FGFR1: variants seen among roughly 807,000 people sequenced by gnomAD.
The protein encoded by FGFR1 is fibroblast growth factor receptor 1.
A neutral mutation model predicts 93.7 loss-of-function variants in FGFR1; 18 were observed. The observed-to-expected ratio is 0.19, with a 90% CI of 0.13 to 0.28. FGFR1 has a LOEUF of 0.28. Ranked by LOEUF, FGFR1 falls within the 10% of genes least tolerant of loss-of-function variation. The pLI, the probability that FGFR1 is intolerant of heterozygous loss-of-function variation, is 1.00. For synonymous variants in FGFR1, 448 were observed against 429.3 expected, an observed-to-expected ratio of 1.04 and a Z score of -0.54; for missense variants, 731 against 1,080.4, an observed-to-expected ratio of 0.68 and a Z score of 4.53.
chr8:38,430,135 C>T (rs1822446657), intron 2 of FGFR1, 187 bp from the exon 3 acceptor site: 2 of 611,784 alleles, frequency 3.3e-6, no homozygotes, highest in Non-Finnish European at 5.6e-6. Context: ...GGGAAAACAG[C>T]TGGCTGCCTG....
intron 7 of FGFR1, chr8:38,423,096 C>A (rs1179405178): frequency 3.8e-6 from 3 of 779,552 alleles, no homozygotes; most frequent in Non-Finnish European, 7.2e-6. Context: ...GGAAACCTTA[C>A]ACACATACTC....
chr8:38,457,234 T>G lies in FGFR1; in HGVS notation c.91+122A>C. On this transcript the variant is annotated intron_variant, in intron 2 of 17. Coordinates refer to ENST00000447712, the MANE Select transcript of FGFR1 (RefSeq NM_023110.3). The stretch of plus-strand genomic sequence containing the variant: ...GTTTCTCCTACAGGAAGGGAGTTCT[T>G]TGCTCCACTTGGGAAGGAGCCTTCC... The G allele has an allele frequency of 2.7e-6, 3 of 1,106,884 alleles. No individual in the cohort carries two copies. The East Asian group carries it at 7.7e-5, about 28-fold the overall frequency. The allele number at this position is 1,106,884 out of a possible 1,614,324, so 68.6% of individuals were successfully genotyped here. A position where few individuals can be genotyped will look rare whatever the true frequency, so the allele number is the denominator to read the frequency against.
At chr8:38,458,837 A>G (rs1244689854) in intron 1 of FGFR1, 1 of 221,416 alleles carries the variant, frequency 4.5e-6, no homozygotes, top group African/African-American at 2.2e-5. Context: ...AACCCTCACC[A>G]GCTACTTACA....
At position 38,414,262 on chromosome 8, in the gene FGFR1, C is replaced by T. The variant is rs2150536124; in HGVS notation, c.2076G>A (p.Glu692=). The part of the protein sequence containing the change: ...DVWSFGVLLW[E]IFTLGGSPYP... ...ATGGGGAGCCGCCCAGAGTGAAGAT[C>T]TCCCACAGGAGCACCCCGAAAGACC... is the stretch of plus-strand genomic sequence containing the variant. Residue 692 remains glutamate, a synonymous_variant, in exon 16 of 18, where the codon GAG becomes GAA. Transcript: ENST00000447712. 1 of 1,614,174 alleles carries T rather than the reference C, an allele frequency of 6.2e-7. No individual in the cohort carries two copies. The highest frequency in any genetic ancestry group is 8.5e-7 in the Non-Finnish European group (1 of 1,180,028).
At chr8:38,416,116 T>C in intron 12 of FGFR1, 56 bp from the exon 13 acceptor site, 1 of 1,525,052 alleles carries the variant, frequency 6.6e-7, no homozygotes, top group Non-Finnish European at 8.9e-7. Context: ...AGGTTTGGCT[T>C]CACCTCAAAG....
At chr8:38,465,955 G>A (rs930785735) in intron 1 of FGFR1, 5 of 228,400 alleles carry the variant, frequency 2.2e-5, no homozygotes, top group South Asian at 1.8e-4. Context: ...ACCGCCCAAA[G>A]AAGGAAACCA....
chr8:38,460,808 T>A (rs952517579), intron 1 of FGFR1, among the ~76,000 whole-genome samples: 2 of 152,180 alleles, frequency 1.3e-5, no homozygotes, highest in Admixed American at 1.3e-4. Flanking sequence ...TCTGGGACCC[T>A]GCCACCTCCT....
intron 2 of FGFR1, among the ~76,000 whole-genome samples, chr8:38,450,289 G>A (rs1830628468): frequency 6.6e-6 from 1 of 152,204 alleles, no homozygotes; most frequent in Non-Finnish European, 1.5e-5. Context: ...GAGAATGAGA[G>A]CAGCTGGACT....
At chr8:38,439,494 T>C (rs1269246182) in intron 2 of FGFR1, among the ~76,000 whole-genome samples, 1 of 152,062 alleles carries the variant, frequency 6.6e-6, no homozygotes, top group Non-Finnish European at 1.5e-5. Context: ...CCCTCCCCCT[T>C]GGGCCACATC....
chr8:38,452,907 G>A (rs550806664), intron 2 of FGFR1, among the ~76,000 whole-genome samples: 1 of 152,314 alleles, frequency 6.6e-6, no homozygotes, highest in South Asian at 2.1e-4. Context: ...AACCCAGGAG[G>A]TGGAGGTTGC....
rs2151344897 is a variant in FGFR1 at position 38,457,402 on chromosome 8, T to G, written c.45A>C (p.Thr15=). ...KCLLFWAVLV[T]ATLCTARPSP... ...ACGGCCTAGCGGTGCAGAGTGTGGC[T>G]GTGACCAGCACAGCCCAGAAGAGGA... The change falls in exon 2 of 18, where the codon ACA becomes ACC. Residue 15 remains threonine, a synonymous_variant. Coordinates refer to ENST00000447712, the MANE Select transcript of FGFR1 (RefSeq NM_023110.3). 6.2e-7 allele frequency: 1 copy of G among 1,614,032 alleles called. No homozygotes were observed. The highest frequency in any genetic ancestry group is 8.5e-7 in the Non-Finnish European group (1 of 1,180,032).
chr8:38,463,815 GA>G (rs1834935705), intron 1 of FGFR1, among the ~76,000 whole-genome samples: 1 of 152,124 alleles, frequency 6.6e-6, no homozygotes, highest in Non-Finnish European at 1.5e-5. Context: ...CTTCAGATGA[GA>G]ATAAGACTTA....
chr8:38,457,880 G>A (rs547995736), intron 1 of FGFR1, among the ~76,000 whole-genome samples: 25 of 152,282 alleles, frequency 1.6e-4, no homozygotes, highest in African/African-American at 6.0e-4. Context: ...TTACTTCGGA[G>A]GCTAAGGCAA....
chr8:38,437,484 C>T (rs942932503), intron 2 of FGFR1, among the ~76,000 whole-genome samples: 2 of 152,186 alleles, frequency 1.3e-5, no homozygotes, highest in African/African-American at 2.4e-5. Context: ...AGCACAGGCT[C>T]TGACGTCATG....
chr8:38,458,665 T>C (rs535635107), intron 1 of FGFR1, among the ~76,000 whole-genome samples: 3 of 152,282 alleles, frequency 2.0e-5, no homozygotes, highest in Admixed American at 6.5e-5. Context: ...GGAAGCCAGG[T>C]ACAGAGATAA....
chr8:38,462,076 A>C (rs1834519527), intron 1 of FGFR1, among the ~76,000 whole-genome samples: 1 of 152,198 alleles, frequency 6.6e-6, no homozygotes, highest in South Asian at 2.1e-4. Context: ...AAAAGTATAC[A>C]CCGCATCTTA....
At chr8:38,415,821 G>A (rs928890736) in intron 13 of FGFR1, 49 bp downstream of exon 13, 1 of 1,565,832 alleles carries the variant, frequency 6.4e-7, no homozygotes, top group African/African-American at 1.4e-5. Flanking sequence ...GACTAGGGGG[G>A]CTCTGTTCCC....
At chr8:38,450,210 C>T (rs1251014477) in intron 2 of FGFR1, among the ~76,000 whole-genome samples, 1 of 152,132 alleles carries the variant, frequency 6.6e-6, no homozygotes, top group East Asian at 1.9e-4. Flanking sequence ...GAAGGGATTG[C>T]CTGCCTGCAA....
Position 38,429,068 on chromosome 8 carries a change from CT to C in FGFR1, c.358+613del, listed in dbSNP as rs1184686196. The C allele has an allele frequency of 5.7e-6, 2 of 351,858 alleles. No individual in the cohort carries two copies. The highest frequency in any genetic ancestry group is 1.1e-5 in the Non-Finnish European group (2 of 178,172). 21.8% of individuals were successfully genotyped at this position (351,858 alleles called of 1,614,324 possible). On this transcript the variant is annotated intron_variant, in intron 3 of 17. Coordinates refer to ENST00000447712, the MANE Select transcript of FGFR1 (RefSeq NM_023110.3). This position sits in a 1 kb window ranked among gnomAD's most constrained non-coding sequence, Gnocchi z 4.4. Reference sequence around the variant, plus strand: ...ATCTTTCTCCAGTCCTTCCTATCACCTTTGGGGATCTGCTGCCAAGTCCACA... The same window carrying C: ...ATCTTTCTCCAGTCCTTCCTATCACCTTGGGGATCTGCTGCCAAGTCCACA...
Sources: allele counts gnomAD v4.1 joint callset (sites outside exome capture counted in the v4.1 genomes callset), GRCh38; gene constraint gnomAD v4.1.1; non-coding constraint Gnocchi (gnomAD v3.1); transcripts MANE v1.5; gene names NCBI Gene and HGNC (gene_info 2026-07-23, HGNC 2026-07-21).